Variants in MAN1A2 observed in about 807,000 individuals in gnomAD.
The protein encoded by MAN1A2 is mannosidase alpha class 1A member 2.
Under a neutral mutation model 75.7 loss-of-function variants are expected in MAN1A2, and 26 were observed. The observed-to-expected ratio is 0.34, with a 90% CI of 0.25 to 0.48. The LOEUF is 0.48. Ranked by LOEUF, MAN1A2 falls within the 20% of genes least tolerant of loss-of-function variation. The pLI, the probability that MAN1A2 is intolerant of heterozygous loss-of-function variation, is 0.99. For missense variants in MAN1A2, 562 were observed against 775.5 expected (o/e 0.72, Z 3.27); for synonymous variants, 247 against 264.6 (o/e 0.93, Z 0.65).
At chr1:117,490,463 G>A (rs557229862) in intron 8 of MAN1A2, among the ~76,000 whole-genome samples, 3 of 152,082 alleles carry the variant, frequency 2.0e-5, no homozygotes, top group Non-Finnish European at 4.4e-5. Flanking sequence ...TATGTTGTGT[G>A]TGTTCTGACT....
chr1:117,376,157 G>A lies in MAN1A2; in HGVS notation c.302+7672G>A, dbSNP rs1167525431. On this transcript the variant is annotated intron_variant, in intron 1 of 12. Coordinates refer to ENST00000356554, the MANE Select transcript of MAN1A2 (RefSeq NM_006699.5). ...GATCTCCTGACCTCGTGATCCGCCCGCCTCGGCCTCCCAAAGTGCTGGGAT... is the reference window on the plus strand; with the variant it reads ...GATCTCCTGACCTCGTGATCCGCCCACCTCGGCCTCCCAAAGTGCTGGGAT... 2.6e-5 allele frequency among the ~76,000 whole-genome samples: 4 copies of A among 152,142 alleles called. No individual in the cohort carries two copies. In the East Asian group the frequency reaches 5.8e-4, roughly 22 times the overall value.
intron 6 of MAN1A2, among the ~76,000 whole-genome samples, 184 bp downstream of exon 6, chr1:117,442,509 A>C (rs976584818): frequency 2.0e-5 from 3 of 152,074 alleles, no homozygotes; most frequent in Non-Finnish European, 4.4e-5. Context: ...CTGATTTTTA[A>C]AATAAGTCCT....
chr1:117,500,258 G>A (rs1380565087), intron 11 of MAN1A2, among the ~76,000 whole-genome samples: 3 of 151,828 alleles, frequency 2.0e-5, no homozygotes, highest in African/African-American at 4.8e-5. Flanking sequence ...CTCCCTCCCC[G>A]TAATACACAC....
intron 1 of MAN1A2, among the ~76,000 whole-genome samples, chr1:117,377,123 A>G (rs1224974841): frequency 6.6e-6 from 1 of 152,204 alleles, no homozygotes; most frequent in African/African-American, 2.4e-5. Flanking sequence ...TATGTTTATA[A>G]TGTTATACAT....
At chr1:117,496,717 C>T (rs752485332) in intron 9 of MAN1A2, 46 bp from the exon 10 acceptor site, 1 of 1,364,414 alleles carries the variant, frequency 7.3e-7, no homozygotes, top group Non-Finnish European at 1.0e-6. Flanking sequence ...AGTTTGAACA[C>T]TAATAGTTTG....
At chr1:117,457,898 A>C (rs1570759134) in intron 6 of MAN1A2, among the ~76,000 whole-genome samples, 1 of 151,918 alleles carries the variant, frequency 6.6e-6, no homozygotes, top group Non-Finnish European at 1.5e-5. Context: ...TACTTTCTGA[A>C]CTCTAGCCAA....
rs369603470 is a variant in MAN1A2, at chr1:117,407,248, T to C, written c.655+1603T>C. ...AGATCCATTATTATGTTTTGTCTTA[T>C]GTTTGTAGCTATGCAGTCAGTTTGT... On this transcript the variant is annotated intron_variant, in intron 3 of 12. Coordinates refer to ENST00000356554, the MANE Select transcript of MAN1A2 (RefSeq NM_006699.5). Among the ~76,000 whole-genome samples the C allele has an allele frequency of 3.3e-5, 5 of 152,176 alleles. No individual in the cohort carries two copies. In the South Asian group the frequency reaches 8.3e-4, roughly 25 times the overall value.
At chr1:117,518,121 A>G (rs1030588706) in intron 12 of MAN1A2, among the ~76,000 whole-genome samples, 11 of 152,084 alleles carry the variant, frequency 7.2e-5, no homozygotes, top group Admixed American at 2.6e-4. Flanking sequence ...AGAGTTTACT[A>G]TAAAACAAAG....
At chr1:117,381,426 A>G (rs1653329629) in intron 1 of MAN1A2, among the ~76,000 whole-genome samples, 1 of 152,096 alleles carries the variant, frequency 6.6e-6, no homozygotes, top group Non-Finnish European at 1.5e-5. Flanking sequence ...ATGAGTGAGA[A>G]CATGCGGTGT....
intron 3 of MAN1A2, among the ~76,000 whole-genome samples, chr1:117,406,882 G>A (rs1179751538): frequency 6.6e-6 from 1 of 151,940 alleles, no homozygotes; most frequent in Non-Finnish European, 1.5e-5. Flanking sequence ...CTTTTAAAAA[G>A]ATTGGAGTAT....
At chr1:117,456,909 C>T (rs1649599161) in intron 6 of MAN1A2, among the ~76,000 whole-genome samples, 1 of 152,000 alleles carries the variant, frequency 6.6e-6, no homozygotes, top group Non-Finnish European at 1.5e-5. Flanking sequence ...AACCATTATT[C>T]CTACAAATGA....
chr1:117,433,168 C>T (rs1404383583), intron 5 of MAN1A2, among the ~76,000 whole-genome samples: 1 of 151,804 alleles, frequency 6.6e-6, no homozygotes, highest in Non-Finnish European at 1.5e-5. Flanking sequence ...GTGATAATTC[C>T]CAATCCAAAA....
chr1:117,525,152 A>T lies in MAN1A2; in HGVS notation c.*2195A>T, dbSNP rs1651974793. 1.9e-6 allele frequency: 1 copy of T among 526,522 alleles called. No homozygotes were observed. Among genetic ancestry groups the T allele is most frequent in the Non-Finnish European group, 3.9e-6 (1 of 257,002 alleles). The allele number at this position is 526,522 out of a possible 1,614,324, so 32.6% of individuals were successfully genotyped here. A position where few individuals can be genotyped will look rare whatever the true frequency, so the allele number is the denominator to read the frequency against. The stretch of plus-strand genomic sequence containing the variant: ...CAAGTGCTCTATTTGTATTACCCAG[A>T]TGACTGAAGCTTAAGAGAAGGCAGG... On this transcript the variant is annotated 3_prime_UTR_variant, in exon 13 of 13. Coordinates refer to ENST00000356554, the MANE Select transcript of MAN1A2 (RefSeq NM_006699.5).
Position 117,429,385 on chromosome 1 carries a change from A to G in MAN1A2, c.855+8736A>G, listed in dbSNP as rs1393396806. 1.5e-4 allele frequency among the ~76,000 whole-genome samples: 21 copies of G among 136,958 alleles called. 1 individual carries two copies. Among genetic ancestry groups the G allele is most frequent in the Admixed American group, 5.6e-4 (8 of 14,384 alleles). 89.8% of individuals were successfully genotyped at this position (136,958 alleles called of 152,430 possible). ...CACTTCCCAGTAGGGGCGGCCGGGC[A>G]GAGGCGCCCCTCACCTCCCGGACGG... On this transcript the variant is annotated intron_variant, in intron 5 of 12. Transcript: ENST00000356554.
chr1:117,409,400 C>T (rs908431563), intron 3 of MAN1A2, among the ~76,000 whole-genome samples: 5 of 147,328 alleles, frequency 3.4e-5, no homozygotes, highest in African/African-American at 7.6e-5. Flanking sequence ...ACAGATTTCT[C>T]GTTTTAATTT....
intron 6 of MAN1A2, among the ~76,000 whole-genome samples, chr1:117,443,181 T>C (rs1557952767): frequency 6.6e-6 from 1 of 152,192 alleles, no homozygotes; most frequent in Non-Finnish European, 1.5e-5. Flanking sequence ...GAGATGTGAA[T>C]CTATGACATT....
chr1:117,407,198 C>T (rs2101761055), intron 3 of MAN1A2, among the ~76,000 whole-genome samples: 1 of 152,134 alleles, frequency 6.6e-6, no homozygotes, highest in East Asian at 1.9e-4. Context: ...AGTTTCTTTT[C>T]CAGCCAGATA....
At chr1:117,456,050 T>C (rs912918027) in intron 6 of MAN1A2, among the ~76,000 whole-genome samples, 1 of 152,086 alleles carries the variant, frequency 6.6e-6, no homozygotes, top group Non-Finnish European at 1.5e-5. Flanking sequence ...GTATTATCTG[T>C]CAAAAGCCCT....
chr1:117,474,592 AAAAACTGAGTC>A (rs1460043304), intron 8 of MAN1A2, among the ~76,000 whole-genome samples: 5 of 150,936 alleles, frequency 3.3e-5, no homozygotes, highest in Admixed American at 6.6e-5. Flanking sequence ...TCAGTGTTTT[AAAAACTGAGTC>A]AAAACAACTA....
Sources: gnomAD v4.1 joint callset for allele counts (sites outside exome capture counted in the v4.1 genomes callset) on GRCh38, gnomAD v4.1.1 for gene constraint, MANE v1.5 for transcripts, NCBI Gene and HGNC (gene_info 2026-07-23, HGNC 2026-07-21) for gene names.